The following FHIP1A variants were observed in gnomAD, a reference collection of about 807,000 sequenced individuals.
FHIP1A encodes FHF complex subunit HOOK interacting protein 1A.
FHIP1A carries 61 observed loss-of-function variants against 88.6 expected under a neutral mutation model. The ratio of observed to expected loss-of-function variants is 0.69; its 90% CI spans 0.56 to 0.85. The LOEUF is 0.85. FHIP1A is among the 40% of genes least tolerant of loss of function. FHIP1A has a pLI of 0.00. For synonymous variants in FHIP1A, 478 were observed against 496.0 expected, an observed-to-expected ratio of 0.96 and a Z score of 0.48; for missense variants, 1,154 against 1,273.5, an observed-to-expected ratio of 0.91 and a Z score of 1.43.
At chr4:151,642,007 C>G (rs1026854871) in intron 9 of FHIP1A, among the ~76,000 whole-genome samples, 1 of 152,146 alleles carries the variant, frequency 6.6e-6, no homozygotes, top group African/African-American at 2.4e-5. Flanking sequence ...TCATAAATAC[C>G]AACATTTCAA....
intron 7 of FHIP1A, among the ~76,000 whole-genome samples, chr4:151,618,489 T>C (rs563525124): frequency 6.6e-6 from 1 of 152,342 alleles, no homozygotes; most frequent in Non-Finnish European, 1.5e-5. Flanking sequence ...TATTTGATTA[T>C]GTTTACAAGG....
intron 7 of FHIP1A, among the ~76,000 whole-genome samples, chr4:151,616,782 C>G (rs147175634): frequency 0.016 from 2,434 of 152,000 alleles, 72 homozygotes; most frequent in African/African-American, 0.054. Context: ...GAGTCTCACT[C>G]TGTTGCCCAG....
At chr4:151,437,024 G>A (rs1277670078) in intron 1 of FHIP1A, among the ~76,000 whole-genome samples, 1 of 152,094 alleles carries the variant, frequency 6.6e-6, no homozygotes, top group East Asian at 1.9e-4. Flanking sequence ...GTCTGCATAT[G>A]TTCAGTACAG....
chr4:151,625,749 C>G (rs1286060785), intron 7 of FHIP1A, among the ~76,000 whole-genome samples: 4 of 152,126 alleles, frequency 2.6e-5, no homozygotes, highest in Non-Finnish European at 5.9e-5. Flanking sequence ...GTCCATTTTG[C>G]CTATTTCTGG....
intron 7 of FHIP1A, among the ~76,000 whole-genome samples, chr4:151,599,289 A>C (rs574455898): frequency 6.6e-6 from 1 of 152,180 alleles, no homozygotes; most frequent in Non-Finnish European, 1.5e-5. Context: ...AACAAGAGCT[A>C]GTTTTGTTGT....
At chr4:151,515,319 T>A (rs914293733) in intron 3 of FHIP1A, among the ~76,000 whole-genome samples, 13 of 151,280 alleles carry the variant, frequency 8.6e-5, no homozygotes, top group Admixed American at 5.3e-4. Flanking sequence ...TAATAAGAGC[T>A]ATCTATGACA....
intron 1 of FHIP1A, among the ~76,000 whole-genome samples, chr4:151,409,670 G>A (rs116191150): frequency 6.6e-6 from 1 of 152,104 alleles, no homozygotes; most frequent in Admixed American, 6.5e-5. Context: ...GGGGGCGCAG[G>A]GGGGAGGAGG....
Position 151,529,412 on chromosome 4 carries a change from CT to C in FHIP1A, c.-122-36723del, listed in dbSNP as rs1183292635. 2.0e-5 allele frequency among the ~76,000 whole-genome samples: 3 copies of C among 152,164 alleles called. No homozygotes were observed. The East Asian group carries it at 5.8e-4, about 29-fold the overall frequency. On this transcript the variant is annotated intron_variant, in intron 3 of 13. Coordinates refer to ENST00000435205, the MANE Select transcript of FHIP1A (RefSeq NM_001109977.3). ...TGCTTTGCTGCCTGCTGCCATCTAG[CT>C]TTACCTCCTAGTTCAAATCCCCAGG...
chr4:151,647,023 T>A (rs2126905397), intron 10 of FHIP1A, among the ~76,000 whole-genome samples: 2 of 152,318 alleles, frequency 1.3e-5, no homozygotes, highest in South Asian at 4.1e-4. Context: ...AAACGTGTGC[T>A]AGCATGTCTT....
At chr4:151,514,957 G>A (rs1731172845) in intron 3 of FHIP1A, among the ~76,000 whole-genome samples, 2 of 152,090 alleles carry the variant, frequency 1.3e-5, no homozygotes, top group Non-Finnish European at 2.9e-5. Flanking sequence ...CATTTTATGA[G>A]GCCAGCATCA....
chr4:151,436,808 A>AAATACCAGCATCCAGTAGT (rs1728221384), intron 1 of FHIP1A, among the ~76,000 whole-genome samples: 2 of 152,196 alleles, frequency 1.3e-5, no homozygotes, highest in Admixed American at 1.3e-4. Context: ...CATCCAGTAG[A>AAATACCAGCATCCAGTAGT]AATACCAGCA....
At chr4:151,452,951 TAC>T (rs1554078791) in intron 1 of FHIP1A, among the ~76,000 whole-genome samples, 3 of 119,312 alleles carry the variant, frequency 2.5e-5, no homozygotes, top group South Asian at 2.3e-4. Context: ...TATATATATA[TAC>T]ATACACACAC....
intron 3 of FHIP1A, among the ~76,000 whole-genome samples, chr4:151,540,765 T>C (rs979710342): frequency 3.3e-5 from 5 of 152,206 alleles, no homozygotes; most frequent in Admixed American, 6.5e-5. Flanking sequence ...GGGTGTGTTT[T>C]GCTCTCCTGA....
chr4:151,577,195 T>G (rs545719276), intron 4 of FHIP1A, among the ~76,000 whole-genome samples: 1 of 152,190 alleles, frequency 6.6e-6, no homozygotes, highest in African/African-American at 2.4e-5. Flanking sequence ...ATAACCATAC[T>G]ATTTTCTTCA....
At chr4:151,631,003 C>G (rs1013301308) in intron 8 of FHIP1A, among the ~76,000 whole-genome samples, 15 of 151,970 alleles carry the variant, frequency 9.9e-5, no homozygotes, top group Non-Finnish European at 1.9e-4. Flanking sequence ...ACAGTGAAAG[C>G]ATTGTTTAAA....
intron 3 of FHIP1A, among the ~76,000 whole-genome samples, chr4:151,491,055 T>A (rs1246888613): frequency 6.6e-6 from 1 of 152,094 alleles, no homozygotes; most frequent in East Asian, 1.9e-4. Flanking sequence ...TCTAAAAGTT[T>A]GGAAAACTTA....
intron 3 of FHIP1A, among the ~76,000 whole-genome samples, chr4:151,523,419 C>T (rs1364397115): frequency 1.3e-5 from 2 of 152,084 alleles, no homozygotes; most frequent in South Asian, 2.1e-4. Flanking sequence ...CTCTATTATC[C>T]CCTGGAGGGC....
chr4:151,490,714 G>A (rs1484202520), intron 3 of FHIP1A, among the ~76,000 whole-genome samples: 1 of 148,236 alleles, frequency 6.7e-6, no homozygotes, highest in Non-Finnish European at 1.5e-5. Context: ...AGGCACCAGA[G>A]AAAGGTGAAA....
intron 2 of FHIP1A, among the ~76,000 whole-genome samples, chr4:151,472,286 G>A (rs759308494): frequency 8.6e-5 from 13 of 151,942 alleles, no homozygotes; most frequent in South Asian, 2.1e-4. Context: ...GGCTTTTAAC[G>A]TGTATTCAGA....
Sources: gnomAD v4.1 joint callset for allele counts (sites outside exome capture counted in the v4.1 genomes callset) on GRCh38, gnomAD v4.1.1 for gene constraint, MANE v1.5 for transcripts, NCBI Gene and HGNC (gene_info 2026-07-23, HGNC 2026-07-21) for gene names.